Variants in ACSM1 observed in about 807,000 individuals in gnomAD.
The protein encoded by ACSM1 is acyl-CoA synthetase medium chain family member 1.
A neutral mutation model predicts 75.8 loss-of-function variants in ACSM1; 79 were observed. That is an observed-to-expected ratio of 1.04 (90% confidence interval 0.87 to 1.26). The LOEUF is 1.26. Ranked by LOEUF, ACSM1 falls within the 50% of genes most tolerant of loss-of-function variation. The pLI is 0.00. For synonymous variants in ACSM1, 279 were observed against 265.8 expected (o/e 1.05, Z -0.48); for missense variants, 676 against 720.1 (o/e 0.94, Z 0.70).
intron 6 of ACSM1, among the ~76,000 whole-genome samples, chr16:20,663,902 A>G (rs753444354): frequency 4.6e-5 from 7 of 152,160 alleles, no homozygotes; most frequent in Non-Finnish European, 8.8e-5. Context: ...AGTAGGTAAG[A>G]ATTAGACATC....
intron 4 of ACSM1, among the ~76,000 whole-genome samples, chr16:20,677,868 G>GA (rs554816453): frequency 1.6e-3 from 235 of 150,580 alleles, no homozygotes; most frequent in Admixed American, 2.4e-3. Context: ...TATTTACAAA[G>GA]AAAAAAAAGG....
chr16:20,658,636 A>C (rs2152252153), intron 7 of ACSM1, among the ~76,000 whole-genome samples: 1 of 152,190 alleles, frequency 6.6e-6, no homozygotes, highest in South Asian at 2.1e-4. Context: ...CTGTGACAAA[A>C]CCTTTTCTCT....
intron 1 of ACSM1, among the ~76,000 whole-genome samples, chr16:20,697,095 T>C (rs144821848): frequency 6.6e-6 from 1 of 152,052 alleles, no homozygotes; most frequent in African/African-American, 2.4e-5. Flanking sequence ...ATGTTAACCA[T>C]TTTTTTTGAA....
At chr16:20,690,192 T>G (rs1365024643) in intron 2 of ACSM1, among the ~76,000 whole-genome samples, 1 of 152,162 alleles carries the variant, frequency 6.6e-6, no homozygotes, top group African/African-American at 2.4e-5. Flanking sequence ...ACTTAAAAAT[T>G]ATATTAACTC....
chr16:20,685,847 C>CAAAAAAAAAA (rs1491230287), intron 2 of ACSM1, among the ~76,000 whole-genome samples: 1 of 91,032 alleles, frequency 1.1e-5, no homozygotes, highest in Non-Finnish European at 2.2e-5. Flanking sequence ...AAAAAAAAAA[C>CAAAAAAAAAA]AAAAAACTTA....
intron 10 of ACSM1, among the ~76,000 whole-genome samples, chr16:20,629,859 G>A (rs1241630230): frequency 2.0e-5 from 3 of 152,076 alleles, no homozygotes; most frequent in Non-Finnish European, 2.9e-5. Context: ...GGGTGTGGTG[G>A]TGTGTGCCTG....
chr16:20,657,354 G>T (rs187981814), intron 7 of ACSM1, among the ~76,000 whole-genome samples: 2 of 151,872 alleles, frequency 1.3e-5, no homozygotes, highest in African/African-American at 4.8e-5. Context: ...TGTCACCCAG[G>T]CTGGAGTGCA....
chr16:20,685,226 A>T lies in ACSM1; in HGVS notation c.370T>A (p.Trp124Arg). The change falls in exon 3 of 14, where the codon TGG becomes AGG. Residue 124 changes from tryptophan (W) to arginine (R), a missense_variant. Transcript: ENST00000520010. ...ATGCAGCCCACAGCCACCAGCCACC[A>T]CTCAGGAACTCGAGGCAGCATCAAG... Reference protein sequence around the residue: ...LALMLPRVPEWWLVAVGCMRT... With the variant: ...LALMLPRVPERWLVAVGCMRT... 1.6e-5 allele frequency: 26 copies of T among 1,613,978 alleles called. No homozygotes were observed. Among genetic ancestry groups the T allele is most frequent in the Non-Finnish European group, 2.2e-5 (26 of 1,179,986 alleles).
intron 7 of ACSM1, among the ~76,000 whole-genome samples, chr16:20,643,898 G>C (rs1035656640): frequency 1.6e-4 from 25 of 151,870 alleles, no homozygotes; most frequent in African/African-American, 5.6e-4. Flanking sequence ...TGAATTTACA[G>C]TCCTTTATCT....
At chr16:20,690,057 G>C (rs1322691214) in intron 2 of ACSM1, among the ~76,000 whole-genome samples, 1 of 152,206 alleles carries the variant, frequency 6.6e-6, no homozygotes, top group African/African-American at 2.4e-5. Context: ...CTGTAACTGA[G>C]GGTTTTATTT....
chr16:20,638,648 G>A (rs1038884978), intron 8 of ACSM1, among the ~76,000 whole-genome samples: 3 of 152,172 alleles, frequency 2.0e-5, no homozygotes, highest in Admixed American at 6.5e-5. Flanking sequence ...CCATTTAAAG[G>A]TGGGGGAGCT....
In ACSM1 at chr16:20,640,466, C is replaced by T. The variant is rs763091056; in HGVS notation, c.1111G>A (p.Glu371Lys). The T allele has an allele frequency of 2.2e-5, 36 of 1,614,028 alleles. No homozygotes were observed. Among genetic ancestry groups the T allele is most frequent in the Non-Finnish European group, 2.9e-5 (34 of 1,180,014 alleles). ...TTCTGGTTTGCACCACCTACCGTTT[C>T]CGACTGCCCATAGTTCTCGTAGAGC... ...LLLYENYGQSETGLICATYWG... is the reference protein window; with the variant it reads ...LLLYENYGQSKTGLICATYWG... Residue 371 changes from glutamate to lysine, a missense_variant, in exon 8 of 14, where the codon GAA becomes AAA. By Grantham distance (56) the Glu-to-Lys change is moderately conservative. Coordinates refer to ENST00000520010, the MANE Select transcript of ACSM1 (RefSeq NM_001318890.3).
chr16:20,661,991 TC>T, intron 6 of ACSM1, 118 bp from the exon 7 acceptor site: 1 of 584,200 alleles, frequency 1.7e-6, no homozygotes, highest in African/African-American at 1.8e-5. Flanking sequence ...AATTTCTTAA[TC>T]CTTTAAATAC....
intron 10 of ACSM1, among the ~76,000 whole-genome samples, chr16:20,632,635 T>C (rs1321825206): frequency 2.6e-5 from 4 of 152,192 alleles, no homozygotes; most frequent in African/African-American, 7.2e-5. Flanking sequence ...CCAATCCTTT[T>C]CCAACTCTTT....
intron 8 of ACSM1, 123 bp downstream of exon 8, chr16:20,640,337 CT>C (rs1420500820): frequency 1.7e-6 from 2 of 1,172,506 alleles, no homozygotes; most frequent in Non-Finnish European, 2.4e-6. Flanking sequence ...TATTGAAGCC[CT>C]CAAAATCATC....
At position 20,689,476 on chromosome 16, in the gene ACSM1, G is replaced by A. The variant is rs376452407; in HGVS notation, c.192+1521C>T. Among the ~76,000 whole-genome samples, 33 of 152,038 alleles carry A rather than the reference G, an allele frequency of 2.2e-4. No individual in the cohort carries two copies. In the East Asian group the frequency reaches 6.4e-3, roughly 29 times the overall value. The stretch of plus-strand genomic sequence containing the variant: ...TTGCCTGTCAGTAGTTACTTTAAAT[G>A]TAAGTGGACTAAACTCCCCAGTCAA... On this transcript the variant is annotated intron_variant, in intron 2 of 13. Transcript: ENST00000520010.
chr16:20,696,290 T>G (rs1287186604), intron 1 of ACSM1, among the ~76,000 whole-genome samples: 1 of 152,230 alleles, frequency 6.6e-6, no homozygotes, highest in Non-Finnish European at 1.5e-5. Context: ...TATCTCTATC[T>G]CCGTCTCTGT....
chr16:20,689,399 A>T (rs2079612854), intron 2 of ACSM1, among the ~76,000 whole-genome samples: 2 of 152,160 alleles, frequency 1.3e-5, no homozygotes, highest in African/African-American at 4.8e-5. Context: ...TGAGAGACAG[A>T]AAAGCTATAA....
chr16:20,633,276 A>G (rs2017460751), intron 10 of ACSM1, among the ~76,000 whole-genome samples: 1 of 152,196 alleles, frequency 6.6e-6, no homozygotes, highest in Non-Finnish European at 1.5e-5. Context: ...AATTTTACAC[A>G]CTCAAAAAAA....
Sources: gnomAD v4.1 joint callset for allele counts (sites outside exome capture counted in the v4.1 genomes callset) on GRCh38, gnomAD v4.1.1 for gene constraint, MANE v1.5 for transcripts, NCBI Gene and HGNC (gene_info 2026-07-23, HGNC 2026-07-21) for gene names.